Variants in SEC24B observed in about 807,000 individuals in gnomAD.
SEC24B encodes SEC24 homolog B, COPII component, also known as protein transport protein Sec24B.
A neutral mutation model predicts 142.8 loss-of-function variants in SEC24B; 45 were observed. The observed-to-expected ratio is 0.32, with a 90% CI of 0.25 to 0.40. The LOEUF (loss-of-function observed/expected upper bound fraction) is 0.40. Among genes scored for constraint, SEC24B ranks in the 10% least tolerant of loss-of-function variants. The probability of loss-of-function intolerance (pLI) is 1.00; values close to 1 mark genes in which losing one functional copy is unlikely to be tolerated. For missense variants in SEC24B, 1,409 were observed against 1,526.8 expected, an observed-to-expected ratio of 0.92 and a Z score of 1.29; for synonymous variants, 574 against 568.2, an observed-to-expected ratio of 1.01 and a Z score of -0.15.
At chr4:109,537,626 C>G (rs1725702078) in intron 22 of SEC24B, among the ~76,000 whole-genome samples, 1 of 152,044 alleles carries the variant, frequency 6.6e-6, no homozygotes, top group Admixed American at 6.6e-5. Context: ...GCACTCCAGT[C>G]TGGGCAACCT....
chr4:109,523,639 CATAT>C (rs1723902666), intron 14 of SEC24B, among the ~76,000 whole-genome samples: 1 of 152,090 alleles, frequency 6.6e-6, no homozygotes, highest in Non-Finnish European at 1.5e-5. Context: ...CTGGCCTTAA[CATAT>C]TTGAGAAAAT....
rs983927301 is a variant in SEC24B, at chr4:109,466,685, C to T, written c.877+3041C>T. On this transcript the variant is annotated intron_variant, in intron 2 of 23. Transcript: ENST00000265175. ...TTGGCCTCCCAAAGTGCTGGGATTA[C>T]AGGCGTGAGCCACTGCACCCGGCCA... 5.9e-5 allele frequency among the ~76,000 whole-genome samples: 9 copies of T among 152,206 alleles called. 1 individual carries two copies. Among genetic ancestry groups the T allele is most frequent in the Admixed American group, 3.9e-4 (6 of 15,284 alleles).
At chr4:109,538,973 T>A (rs1396008852) in intron 23 of SEC24B, among the ~76,000 whole-genome samples, 3 of 151,954 alleles carry the variant, frequency 2.0e-5, no homozygotes, top group Non-Finnish European at 4.4e-5. Flanking sequence ...TTTTTTTTCT[T>A]TTTTTGAGAC....
At chr4:109,524,776 C>A in intron 14 of SEC24B, 42 bp from the exon 15 acceptor site, 1 of 1,557,870 alleles carries the variant, frequency 6.4e-7, no homozygotes, top group Non-Finnish European at 8.7e-7. Context: ...AAAATATGAG[C>A]ATAAAGATTG....
At chr4:109,507,278 CT>C (rs34809833) in intron 7 of SEC24B, among the ~76,000 whole-genome samples, 11,131 of 139,214 alleles carry the variant, frequency 0.08, 545 homozygotes, top group African/African-American at 0.16. Flanking sequence ...CATTGTCTTC[CT>C]TTTTTTTTTT....
intron 2 of SEC24B, among the ~76,000 whole-genome samples, chr4:109,465,826 A>C (rs1731798350): frequency 6.6e-6 from 1 of 152,174 alleles, no homozygotes; most frequent in African/African-American, 2.4e-5. Flanking sequence ...TGTTTGAGTA[A>C]CTGCTCTAAT....
intron 10 of SEC24B, among the ~76,000 whole-genome samples, 171 bp downstream of exon 10, chr4:109,514,027 T>A (rs925380303): frequency 2.0e-5 from 3 of 152,224 alleles, no homozygotes; most frequent in African/African-American, 7.2e-5. Context: ...TTCTAAAGGT[T>A]ATTCGATCTC....
chr4:109,466,442 G>A (rs1731874268), intron 2 of SEC24B, among the ~76,000 whole-genome samples: 2 of 152,084 alleles, frequency 1.3e-5, no homozygotes, highest in African/African-American at 2.4e-5. Flanking sequence ...ATGGAGTCTC[G>A]CTCTGTCACC....
intron 6 of SEC24B, 56 bp from the exon 7 acceptor site, chr4:109,506,272 A>G: frequency 7.6e-7 from 1 of 1,311,684 alleles, no homozygotes; most frequent in Non-Finnish European, 1.0e-6. Context: ...AGTATATATA[A>G]GAAAATTTAT....
intron 22 of SEC24B, among the ~76,000 whole-genome samples, chr4:109,536,860 G>A (rs1420973728): frequency 1.3e-5 from 2 of 151,522 alleles, no homozygotes; most frequent in African/African-American, 4.9e-5. Context: ...TATTAGAATG[G>A]GTAACGCCTT....
At chr4:109,525,098 C>T (rs1021308383) in intron 15 of SEC24B, among the ~76,000 whole-genome samples, 157 bp downstream of exon 15, 3 of 152,062 alleles carry the variant, frequency 2.0e-5, no homozygotes, top group Non-Finnish European at 4.4e-5. Context: ...GTTTAAAGCA[C>T]TATACAAATA....
At chr4:109,485,086 T>G (rs1008320756) in intron 4 of SEC24B, among the ~76,000 whole-genome samples, 1 of 152,166 alleles carries the variant, frequency 6.6e-6, no homozygotes, top group Non-Finnish European at 1.5e-5. Flanking sequence ...ACTTTTCACT[T>G]TCTAGCTTTG....
chr4:109,491,540 C>G, intron 5 of SEC24B, 133 bp downstream of exon 5: 1 of 593,442 alleles, frequency 1.7e-6, no homozygotes, highest in Non-Finnish European at 2.9e-6. Flanking sequence ...TTTTCTGGCA[C>G]TTCTCAGCCT....
intron 6 of SEC24B, among the ~76,000 whole-genome samples, chr4:109,502,343 A>G (rs1257490190): frequency 6.6e-6 from 1 of 152,212 alleles, no homozygotes; most frequent in Non-Finnish European, 1.5e-5. Context: ...TCTAATTTAC[A>G]TATTTAGAAA....
intron 17 of SEC24B, among the ~76,000 whole-genome samples, chr4:109,526,890 T>C (rs186717639): frequency 6.6e-6 from 1 of 152,328 alleles, no homozygotes; most frequent in Admixed American, 6.5e-5. Context: ...CTGTTGGTGA[T>C]GTAATCTAGC....
intron 8 of SEC24B, 71 bp from the exon 9 acceptor site, chr4:109,511,886 C>T (rs984183865): frequency 1.4e-6 from 2 of 1,445,608 alleles, no homozygotes. Flanking sequence ...GTATTTGGAG[C>T]AGATCTGTGT....
intron 6 of SEC24B, 77 bp from the exon 7 acceptor site, chr4:109,506,251 T>G: frequency 9.6e-7 from 1 of 1,036,656 alleles, no homozygotes; most frequent in Non-Finnish European, 1.3e-6. Context: ...TTTCTGTATG[T>G]TGAGATATGT....
In SEC24B at chr4:109,506,265, A is replaced by G. The variant is rs1190372383; in HGVS notation, c.1489-63A>G. ...TTTTCTGTATGTTGAGATATGTAGT[A>G]TATATAAGAAAATTTATTTATGTTT... On this transcript the variant is annotated intron_variant, in intron 6 of 23. Coordinates refer to ENST00000265175, the MANE Select transcript of SEC24B (RefSeq NM_006323.5). 12 of 1,219,616 alleles carry G rather than the reference A, an allele frequency of 9.8e-6. No homozygotes were observed. The Admixed American group carries it at 2.8e-4, about 29-fold the overall frequency. 75.5% of individuals were successfully genotyped at this position (1,219,616 alleles called of 1,614,324 possible).
Position 109,520,960 on chromosome 4 carries a change from C to G in SEC24B, c.2246-157C>G, listed in dbSNP as rs566289707. On this transcript the variant is annotated intron_variant, in intron 12 of 23. Coordinates refer to ENST00000265175, the MANE Select transcript of SEC24B (RefSeq NM_006323.5). ...TGAGCCGAGATCATGCCATTGCACT[C>G]CAGCCTGGGCAACAAGAGCAAAACT... Among the ~76,000 whole-genome samples, 70 of 152,242 alleles carry G rather than the reference C, an allele frequency of 4.6e-4. No individual in the cohort carries two copies. The Middle Eastern group carries it at 0.01, about 22-fold the overall frequency.
Sources: gnomAD v4.1 joint callset for allele counts (sites outside exome capture counted in the v4.1 genomes callset) on GRCh38, gnomAD v4.1.1 for gene constraint, MANE v1.5 for transcripts, NCBI Gene and HGNC (gene_info 2026-07-23, HGNC 2026-07-21) for gene names.